Variants in LRRC1 observed in about 807,000 individuals in gnomAD.
The protein encoded by LRRC1 is leucine-rich repeat-containing protein 1.
In LRRC1, 28 loss-of-function variants were observed where a neutral mutation model predicts 69.9. That is an observed-to-expected ratio of 0.40 (90% CI 0.30 to 0.55). LRRC1 has a LOEUF of 0.55. Among genes scored for constraint, LRRC1 ranks in the 20% least tolerant of loss-of-function variants. The pLI is 0.47. For missense variants in LRRC1, 498 were observed against 609.0 expected (o/e 0.82, Z 1.92); for synonymous variants, 236 against 240.2 (o/e 0.98, Z 0.16).
chr6:53,812,115 C>T (rs1002380161), intron 1 of LRRC1, among the ~76,000 whole-genome samples: 81 of 152,208 alleles, frequency 5.3e-4, no homozygotes, highest in Non-Finnish European at 1.0e-3. Flanking sequence ...AGAGATAAGG[C>T]CCCATCATGG....
intron 2 of LRRC1, among the ~76,000 whole-genome samples, 173 bp from the exon 3 acceptor site, chr6:53,878,820 A>T (rs1767163141): frequency 6.6e-6 from 1 of 152,228 alleles, no homozygotes; most frequent in South Asian, 2.1e-4. Context: ...TTGAGAATAT[A>T]ACTTATATTA....
At chr6:53,913,816 A>C (rs1473512272) in intron 10 of LRRC1, 38 bp from the exon 11 acceptor site, 2 of 1,448,792 alleles carry the variant, frequency 1.4e-6, no homozygotes, top group African/African-American at 2.8e-5. Context: ...TCTCCCCTAG[A>C]AAACTGGAAA....
chr6:53,902,329 C>T (rs1420939348), intron 8 of LRRC1, among the ~76,000 whole-genome samples: 1 of 152,148 alleles, frequency 6.6e-6, no homozygotes, highest in African/African-American at 2.4e-5. Context: ...TGAAACACCT[C>T]CACGGAGAGA....
chr6:53,798,715 A>C (rs1764376224), intron 1 of LRRC1, among the ~76,000 whole-genome samples: 1 of 152,204 alleles, frequency 6.6e-6, no homozygotes, highest in Non-Finnish European at 1.5e-5. Flanking sequence ...TCCTTGTGAC[A>C]CCCAATAGGT....
rs144063021 is a variant in LRRC1, at chr6:53,877,690, G to A, written c.278-1303G>A. ...TGCTAAAACATAACAAGTCACCTTT[G>A]CTCCAGTTCCCAACAAGTTCCTCAT... On this transcript the variant is annotated intron_variant, in intron 2 of 13. Transcript: ENST00000370888. 1.1e-4 allele frequency among the ~76,000 whole-genome samples: 16 copies of A among 152,254 alleles called. No homozygotes were observed. In the East Asian group the frequency reaches 3.1e-3, roughly 29 times the overall value.
intron 11 of LRRC1, among the ~76,000 whole-genome samples, chr6:53,914,337 C>T (rs1013128271): frequency 6.6e-6 from 1 of 152,094 alleles, no homozygotes; most frequent in Non-Finnish European, 1.5e-5. Context: ...TCAGAGTTTC[C>T]TCACCTGCAA....
At chr6:53,845,074 C>T (rs907099479) in intron 2 of LRRC1, among the ~76,000 whole-genome samples, 2 of 152,104 alleles carry the variant, frequency 1.3e-5, no homozygotes, top group Non-Finnish European at 2.9e-5. Flanking sequence ...CTTGGTGGCA[C>T]GTGCCTGTAA....
intron 1 of LRRC1, among the ~76,000 whole-genome samples, chr6:53,825,601 G>A (rs1340213599): frequency 1.3e-5 from 2 of 152,084 alleles, no homozygotes; most frequent in Non-Finnish European, 2.9e-5. Context: ...AGTGCCTCCC[G>A]GACTTGGCTG....
intron 1 of LRRC1, among the ~76,000 whole-genome samples, chr6:53,818,336 C>A (rs1413902117): frequency 1.3e-5 from 2 of 151,696 alleles, no homozygotes; most frequent in African/African-American, 4.8e-5. Flanking sequence ...AATAGAAATA[C>A]CAGTGTATCA....
In LRRC1 at chr6:53,924,103, ATT is replaced by A. The variant is rs902108554; in HGVS notation, c.*1311_*1312del. 2.1e-4 allele frequency: 32 copies of A among 152,678 alleles called. No individual in the cohort carries two copies. The highest frequency in any genetic ancestry group is 5.9e-5 in the Non-Finnish European group (4 of 68,042). The allele number at this position is 152,678 out of a possible 1,614,324, so 9.5% of individuals were successfully genotyped here. On this transcript the variant is annotated 3_prime_UTR_variant, in exon 14 of 14. Transcript: ENST00000370888. Reference sequence around the variant, plus strand: ...ATATATTTTTTTCTCCAAGAAATAAATTCATCCTGGACATTGGCCATACAGCT... The same window carrying A: ...ATATATTTTTTTCTCCAAGAAATAAACATCCTGGACATTGGCCATACAGCT...
rs1363878067 is a variant in LRRC1 at position 53,899,837 on chromosome 6, T to C, written c.733T>C (p.Leu245=). 1 of 1,614,018 alleles carries C rather than the reference T, an allele frequency of 6.2e-7. No individual in the cohort carries two copies. The highest frequency in any genetic ancestry group is 8.5e-7 in the Non-Finnish European group (1 of 1,180,006). Reference sequence around the variant, plus strand: ...TGAAGAAATCAGTGGCCTGACTTCATTAACGGATTTAGTCATTTCCCAGAA... The same window carrying C: ...TGAAGAAATCAGTGGCCTGACTTCACTAACGGATTTAGTCATTTCCCAGAA... ...LPEEISGLTS[L]TDLVISQNLL... The change falls in exon 8 of 14, where the codon TTA becomes CTA. Residue 245 remains leucine, a synonymous_variant. Transcript: ENST00000370888.
chr6:53,832,914 C>T (rs1157989761), intron 1 of LRRC1, among the ~76,000 whole-genome samples: 1 of 152,030 alleles, frequency 6.6e-6, no homozygotes, highest in Non-Finnish European at 1.5e-5. Context: ...TTCCCTTAAC[C>T]CTAAAACATA....
intron 2 of LRRC1, among the ~76,000 whole-genome samples, chr6:53,875,314 C>A (rs1458099584): frequency 6.6e-6 from 1 of 152,070 alleles, no homozygotes; most frequent in East Asian, 1.9e-4. Context: ...ATGTGCTTTT[C>A]TGCCATTAAG....
intron 2 of LRRC1, among the ~76,000 whole-genome samples, chr6:53,873,458 ATT>A (rs35667628): frequency 7.1e-6 from 1 of 140,096 alleles, no homozygotes; most frequent in Non-Finnish European, 1.5e-5. Context: ...CGCCCGGCTA[ATT>A]TTTTTTTTTT....
At chr6:53,888,264 TAATA>T (rs770552021) in intron 4 of LRRC1, among the ~76,000 whole-genome samples, 6 of 152,176 alleles carry the variant, frequency 3.9e-5, no homozygotes, top group African/African-American at 9.7e-5. Context: ...TTATTAGAGC[TAATA>T]AATTAATTCA....
chr6:53,906,957 A>G (rs184787795), intron 10 of LRRC1, among the ~76,000 whole-genome samples: 1 of 152,210 alleles, frequency 6.6e-6, no homozygotes, highest in Non-Finnish European at 1.5e-5. Flanking sequence ...TCTCCCTCGG[A>G]TCACAGTTTG....
Position 53,896,845 on chromosome 6 carries a change from C to T in LRRC1, c.520C>T (p.Arg174Ter), listed in dbSNP as rs781505951. 3 of 1,601,372 alleles carry T rather than the reference C, an allele frequency of 1.9e-6. No individual in the cohort carries two copies. Among genetic ancestry groups the T allele is most frequent in the Non-Finnish European group, 2.6e-6 (3 of 1,169,018 alleles). The stretch of plus-strand genomic sequence containing the variant: ...TTAAAATAGCTCTCTTACCCAGCTG[C>T]GAAGACTAGAAGAACTTGATTTAGG... Reference protein sequence around the residue: ...TYLPDSLTQLRRLEELDLGNN... With the variant: ...TYLPDSLTQL The change falls in exon 6 of 14, where the codon CGA becomes TGA. Residue 174 changes from arginine to a stop codon, truncating the protein, a stop_gained. Coordinates refer to ENST00000370888, the MANE Select transcript of LRRC1 (RefSeq NM_018214.5). LOFTEE classifies it high-confidence loss of function.
intron 4 of LRRC1, among the ~76,000 whole-genome samples, chr6:53,885,984 CT>C (rs1767462065): frequency 6.6e-6 from 1 of 152,000 alleles, no homozygotes; most frequent in African/African-American, 2.4e-5. Flanking sequence ...CAGTAACTTT[CT>C]TTTAATACTC....
chr6:53,802,030 G>C (rs1764501062), intron 1 of LRRC1, among the ~76,000 whole-genome samples: 1 of 152,146 alleles, frequency 6.6e-6, no homozygotes, highest in Non-Finnish European at 1.5e-5. Flanking sequence ...GTTAGTTCTG[G>C]AGCAAGCAAG....
Sources: allele counts gnomAD v4.1 joint callset (sites outside exome capture counted in the v4.1 genomes callset), GRCh38; gene constraint gnomAD v4.1.1; transcripts MANE v1.5; gene names NCBI Gene and HGNC (gene_info 2026-07-23, HGNC 2026-07-21).